UBL7: variants seen among roughly 807,000 people sequenced by gnomAD.
UBL7 encodes ubiquitin-like protein 7.
A neutral mutation model predicts 41.7 loss-of-function variants in UBL7; 21 were observed. The observed-to-expected ratio is 0.50, with a 90% confidence interval of 0.36 to 0.73. The LOEUF (loss-of-function observed/expected upper bound fraction) is 0.73, where lower values mean the gene tolerates loss of function less well. Ranked by LOEUF, UBL7 falls within the 30% of genes least tolerant of loss-of-function variation. The pLI is 0.00. For missense variants in UBL7, 403 were observed against 478.4 expected (o/e 0.84, Z 1.47); for synonymous variants, 157 against 186.9 (o/e 0.84, Z 1.31).
At chr15:74,449,915 T>C (rs2061225593) in intron 7 of UBL7, 21 bp downstream of exon 7, 1 of 1,604,424 alleles carries the variant, frequency 6.2e-7, no homozygotes. Flanking sequence ...GGGGCCCACA[T>C]TACACTTTTC....
intron 5 of UBL7, 77 bp from the exon 6 acceptor site, chr15:74,450,936 A>G: frequency 2.7e-6 from 4 of 1,490,770 alleles, no homozygotes; most frequent in Non-Finnish European, 3.7e-6. Flanking sequence ...TGCGTCTCAG[A>G]GCAACCAGCT....
rs2061258086 is a variant in UBL7 at position 74,452,359 on chromosome 15, A to T, written c.324T>A (p.Ala108=). The T allele has an allele frequency of 6.4e-7, 1 of 1,560,140 alleles. No homozygotes were observed. Among genetic ancestry groups the T allele is most frequent in the Non-Finnish European group, 8.7e-7 (1 of 1,150,976 alleles). The change falls in exon 4 of 11, where the codon GCT becomes GCA. Residue 108 remains alanine (A), a synonymous_variant. Coordinates refer to ENST00000395081, the MANE Select transcript of UBL7 (RefSeq NM_032907.5). ...GCAACACCCGGAACTCTCTCATGGC[A>T]GCCACTTTGTCCACAGGTTCTGGGG... ...DQKPEPVDKV[A]AMREFRVLHT...
intron 10 of UBL7, among the ~76,000 whole-genome samples, chr15:74,448,123 T>C (rs550988145): frequency 1.8e-4 from 28 of 152,328 alleles, no homozygotes; most frequent in African/African-American, 6.7e-4. Flanking sequence ...TGCCCCTCCA[T>C]GGCAGGGATG....
chr15:74,447,637 G>A (rs574140816), intron 10 of UBL7, among the ~76,000 whole-genome samples: 1 of 152,276 alleles, frequency 6.6e-6, no homozygotes, highest in South Asian at 2.1e-4. Flanking sequence ...AGCCCAGGAA[G>A]TTGAGGCTAC....
Position 74,446,703 on chromosome 15 carries a change from C to A in UBL7, c.1006-476G>T, listed in dbSNP as rs1022297026. 6.6e-6 allele frequency among the ~76,000 whole-genome samples: 1 copy of A among 152,076 alleles called. No individual in the cohort carries two copies. The highest frequency in any genetic ancestry group is 1.5e-5 in the Non-Finnish European group (1 of 68,028). ...TTTTTGTGGTATATAGTAGGTATATCTATTTGTGGACTGTAAGAGATGTTT... is the reference window on the plus strand; with the variant it reads ...TTTTTGTGGTATATAGTAGGTATATATATTTGTGGACTGTAAGAGATGTTT... On this transcript the variant is annotated intron_variant, in intron 10 of 10. Transcript: ENST00000395081. This position sits in a 1 kb window ranked among gnomAD's most constrained non-coding sequence, Gnocchi z 4.1.
At chr15:74,457,584 A>C (rs2061306927) in intron 2 of UBL7, among the ~76,000 whole-genome samples, 1 of 151,308 alleles carries the variant, frequency 6.6e-6, no homozygotes, top group Admixed American at 6.6e-5. Context: ...CATACACACA[A>C]AAATTAGCCA....
intron 10 of UBL7, among the ~76,000 whole-genome samples, chr15:74,448,241 G>C (rs2061204651): frequency 6.6e-6 from 1 of 152,178 alleles, no homozygotes; most frequent in Non-Finnish European, 1.5e-5. Context: ...ATCTAAGCCA[G>C]GTGGTCTAGG....
chr15:74,458,289 G>A (rs1381092414), intron 2 of UBL7, among the ~76,000 whole-genome samples: 1 of 151,930 alleles, frequency 6.6e-6, no homozygotes, highest in African/African-American at 2.4e-5. Flanking sequence ...AAAATTAGCT[G>A]GGCATGGTGG....
At chr15:74,448,418 G>C (rs764899717) in intron 10 of UBL7, 60 bp downstream of exon 10, 10 of 1,606,338 alleles carry the variant, frequency 6.2e-6, no homozygotes, top group Non-Finnish European at 8.5e-6. Flanking sequence ...GCAAAACAAA[G>C]GCTGGGCATC....
At chr15:74,450,675 A>T in intron 6 of UBL7, 127 bp downstream of exon 6, 1 of 961,230 alleles carries the variant, frequency 1.0e-6, no homozygotes, top group South Asian at 1.4e-5. Flanking sequence ...CCCCTGACGT[A>T]TCTAAGGGGT....
chr15:74,456,712 C>T (rs2061298648), intron 2 of UBL7, 41 bp from the exon 3 acceptor site: 1 of 1,590,926 alleles, frequency 6.3e-7, no homozygotes, highest in South Asian at 1.1e-5. Flanking sequence ...CTCCTCAAAA[C>T]AAATTTACAT....
chr15:74,457,780 C>T (rs1357199844), intron 2 of UBL7, among the ~76,000 whole-genome samples: 4 of 148,692 alleles, frequency 2.7e-5, no homozygotes, highest in Non-Finnish European at 4.5e-5. Flanking sequence ...AATCTATCCA[C>T]AGAAAAACTC....
intron 2 of UBL7, 143 bp downstream of exon 2, chr15:74,458,541 A>G (rs2061314840): frequency 4.3e-6 from 3 of 704,634 alleles, no homozygotes; most frequent in Non-Finnish European, 7.1e-6. Flanking sequence ...TTGTGTTTCT[A>G]TTTACCCAAC....
intron 2 of UBL7, among the ~76,000 whole-genome samples, chr15:74,457,713 G>A (rs1241225578): frequency 1.4e-5 from 2 of 146,712 alleles, no homozygotes; most frequent in Admixed American, 1.4e-4. Context: ...CTCCAGCCTG[G>A]GCAACAGAGC....
At chr15:74,460,102 C>T (rs2061334751) in intron 1 of UBL7, among the ~76,000 whole-genome samples, 2 of 151,806 alleles carry the variant, frequency 1.3e-5, no homozygotes, top group Non-Finnish European at 2.9e-5. Flanking sequence ...ATTTGCAGGG[C>T]GTGGTGGCAG....
chr15:74,456,897 C>A (rs936744438), intron 2 of UBL7, among the ~76,000 whole-genome samples: 4 of 152,046 alleles, frequency 2.6e-5, no homozygotes, highest in Non-Finnish European at 4.4e-5. Flanking sequence ...GCAGCCTCAA[C>A]CTCCTGGGGT....
chr15:74,454,738 T>C (rs2061279452), intron 3 of UBL7, among the ~76,000 whole-genome samples: 1 of 152,110 alleles, frequency 6.6e-6, no homozygotes, highest in African/African-American at 2.4e-5. Flanking sequence ...GTCTGGCTGA[T>C]TTGGGGAAAA....
At chr15:74,460,698 C>G in intron 1 of UBL7, 2 of 1,289,176 alleles carry the variant, frequency 1.6e-6, no homozygotes, top group Non-Finnish European at 2.0e-6. Flanking sequence ...GAAAATAAAT[C>G]AGAAACTCTG....
At chr15:74,450,883 C>G in intron 5 of UBL7, 24 bp from the exon 6 acceptor site, 1 of 1,612,562 alleles carries the variant, frequency 6.2e-7, no homozygotes, top group African/African-American at 1.3e-5. Flanking sequence ...GAGCTCACCT[C>G]AAAGAAAGGA....
Sources: allele counts gnomAD v4.1 joint callset (sites outside exome capture counted in the v4.1 genomes callset), GRCh38; gene constraint gnomAD v4.1.1; non-coding constraint Gnocchi (gnomAD v3.1); transcripts MANE v1.5; gene names NCBI Gene and HGNC (gene_info 2026-07-23, HGNC 2026-07-21).